TRAPPC11: variants seen among roughly 807,000 people sequenced by gnomAD.
TRAPPC11 encodes foie gras homolog.
A neutral mutation model predicts 151.2 loss-of-function variants in TRAPPC11; 104 were observed. The ratio of observed to expected loss-of-function variants is 0.69; its 90% CI spans 0.59 to 0.81. The LOEUF is 0.81. TRAPPC11 is among the 30% of genes least tolerant of loss of function. The pLI is 0.00. For missense variants in TRAPPC11, 1,230 were observed against 1,349.6 expected (o/e 0.91, Z 1.39); for synonymous variants, 456 against 472.3 (o/e 0.97, Z 0.45).
chr4:183,712,807 T>C lies in TRAPPC11; in HGVS notation c.*163T>C. 2 of 553,434 alleles carry C rather than the reference T, an allele frequency of 3.6e-6. No individual in the cohort carries two copies. Among genetic ancestry groups the C allele is most frequent in the South Asian group, 6.8e-5 (2 of 29,588 alleles). The allele number at this position is 553,434 out of a possible 1,614,324, so 34.3% of individuals were successfully genotyped here. On this transcript the variant is annotated 3_prime_UTR_variant, in exon 30 of 30. Coordinates refer to ENST00000334690, the MANE Select transcript of TRAPPC11 (RefSeq NM_021942.6). ...AGAGGAACTCATACTTCAAAAATATTAGGAAAATCTGTCTTATAGTTTCTC... is the reference window on the plus strand; with the variant it reads ...AGAGGAACTCATACTTCAAAAATATCAGGAAAATCTGTCTTATAGTTTCTC...
At chr4:183,661,894 T>C (rs1734569399) in intron 1 of TRAPPC11, among the ~76,000 whole-genome samples, 1 of 151,568 alleles carries the variant, frequency 6.6e-6, no homozygotes, top group African/African-American at 2.4e-5. Context: ...CCCAAGTGGC[T>C]GGGACTACAA....
At chr4:183,703,561 A>T (rs1309058872) in intron 26 of TRAPPC11, among the ~76,000 whole-genome samples, 1 of 152,218 alleles carries the variant, frequency 6.6e-6, no homozygotes, top group Non-Finnish European at 1.5e-5. Flanking sequence ...ATCTGTACAC[A>T]AAGGGTGTGT....
intron 11 of TRAPPC11, 175 bp from the exon 12 acceptor site, chr4:183,683,800 C>T (rs1359706436): frequency 2.1e-5 from 13 of 612,010 alleles, no homozygotes; most frequent in East Asian, 5.6e-5. Context: ...GAACAGAACA[C>T]GGAAGTTTCC....
chr4:183,660,742 C>T (rs1223311354), intron 1 of TRAPPC11, among the ~76,000 whole-genome samples: 2 of 152,182 alleles, frequency 1.3e-5, no homozygotes, highest in Non-Finnish European at 2.9e-5. Flanking sequence ...GAGACGGAGT[C>T]TTGCTCTGTT....
At position 183,703,790 on chromosome 4, in the gene TRAPPC11, T is replaced by C. The variant is rs111947334; in HGVS notation, c.2964-1189T>C. ...AAAAGGGATTTCCCTGGCACCACCC[T>C]TATAGTTCCCACTTTAGCTGTACCA... On this transcript the variant is annotated intron_variant, in intron 26 of 29. Coordinates refer to ENST00000334690, the MANE Select transcript of TRAPPC11 (RefSeq NM_021942.6). 2.4e-3 allele frequency among the ~76,000 whole-genome samples: 366 copies of C among 152,354 alleles called. 1 individual carries two copies. The highest frequency in any genetic ancestry group is 8.3e-3 in the African/African-American group (347 of 41,586).
intron 5 of TRAPPC11, among the ~76,000 whole-genome samples, chr4:183,669,452 T>G (rs1343616105): frequency 3.3e-5 from 5 of 152,164 alleles, no homozygotes; most frequent in Non-Finnish European, 5.9e-5. Context: ...ACAGTGCTGT[T>G]CCTTGTCAGA....
intron 7 of TRAPPC11, among the ~76,000 whole-genome samples, chr4:183,677,257 G>A (rs1484517681): frequency 6.6e-6 from 1 of 152,062 alleles, no homozygotes; most frequent in Non-Finnish European, 1.5e-5. Flanking sequence ...CACATGTCAT[G>A]GTTCTGTTCT....
intron 5 of TRAPPC11, among the ~76,000 whole-genome samples, chr4:183,669,575 C>A (rs1156838402): frequency 6.6e-6 from 1 of 152,212 alleles, no homozygotes; most frequent in Non-Finnish European, 1.5e-5. Context: ...CTGTGCTATA[C>A]CCTGCTGTAA....
chr4:183,682,234 C>T (rs1467100137), intron 10 of TRAPPC11, among the ~76,000 whole-genome samples: 2 of 152,022 alleles, frequency 1.3e-5, no homozygotes, highest in South Asian at 2.1e-4. Flanking sequence ...TCATGTATTA[C>T]GTTTTGGTTT....
intron 3 of TRAPPC11, chr4:183,666,854 G>A: frequency 2.1e-6 from 1 of 486,884 alleles, no homozygotes; most frequent in East Asian, 3.1e-5. Context: ...AGATTTTTAA[G>A]ATTAGAAGAT....
At position 183,706,855 on chromosome 4, in the gene TRAPPC11, A is replaced by T. The variant is rs762555782; in HGVS notation, c.3104A>T (p.His1035Leu). The T allele has an allele frequency of 5.6e-6, 9 of 1,613,986 alleles. No homozygotes were observed. The highest frequency in any genetic ancestry group is 1.3e-5 in the African/African-American group (1 of 74,914). Residue 1035 changes from histidine to leucine, a missense_variant, in exon 28 of 30, where the codon CAC (histidine) becomes CTC (leucine). By Grantham distance (99) the His-to-Leu change is moderately conservative. Coordinates refer to ENST00000334690, the MANE Select transcript of TRAPPC11 (RefSeq NM_021942.6). Reference sequence around the variant, plus strand: ...AGAGAGTCGTTACCTGTCAAGTATCACCTACAGAATAAGACCGACTTAGTT... The same window carrying T: ...AGAGAGTCGTTACCTGTCAAGTATCTCCTACAGAATAAGACCGACTTAGTT... Reference protein sequence around the residue: ...RVRESLPVKYHLQNKTDLVQD... With the variant: ...RVRESLPVKYLLQNKTDLVQD...
intron 5 of TRAPPC11, among the ~76,000 whole-genome samples, chr4:183,674,069 A>G (rs188156759): frequency 5.9e-4 from 90 of 152,314 alleles, no homozygotes; most frequent in Non-Finnish European, 1.0e-3. Context: ...CAGACTTTTT[A>G]TAAAAATATA....
intron 7 of TRAPPC11, 43 bp downstream of exon 7, chr4:183,675,280 A>G: frequency 8.1e-7 from 1 of 1,240,564 alleles, no homozygotes; most frequent in Non-Finnish European, 1.1e-6. Flanking sequence ...TTTTTATATT[A>G]ACAATAACAT....
intron 10 of TRAPPC11, 112 bp from the exon 11 acceptor site, chr4:183,682,620 A>G (rs994209104): frequency 6.4e-6 from 3 of 469,104 alleles, no homozygotes; most frequent in African/African-American, 4.0e-5. Context: ...AATTGAATAT[A>G]TATTTGGTGG....
intron 22 of TRAPPC11, 62 bp downstream of exon 22, chr4:183,694,100 T>C (rs1736405798): frequency 1.3e-6 from 2 of 1,577,750 alleles, no homozygotes; most frequent in Admixed American, 1.7e-5. Context: ...AAATATATAG[T>C]GAGTTTTTAA....
At chr4:183,674,572 T>A (rs1256082360) in intron 5 of TRAPPC11, 141 bp from the exon 6 acceptor site, 2 of 452,050 alleles carry the variant, frequency 4.4e-6, no homozygotes, top group African/African-American at 4.1e-5. Flanking sequence ...TCAGGTTATC[T>A]TTTGCTTCAC....
Position 183,680,268 on chromosome 4 carries a change from G to A in TRAPPC11, c.1113+1G>A. The A allele has an allele frequency of 1.2e-6, 2 of 1,613,780 alleles. No homozygotes were observed. The highest frequency in any genetic ancestry group is 1.7e-6 in the Non-Finnish European group (2 of 1,179,922). On this transcript the variant is annotated splice_donor_variant, in intron 10 of 29. Coordinates refer to ENST00000334690, the MANE Select transcript of TRAPPC11 (RefSeq NM_021942.6). LOFTEE classifies it high-confidence loss of function. ...TGCAAAAACCCTCTGTAACCACGAAGTAAGTTACTCACTCCGTATTATCTA... is the reference window on the plus strand; with the variant it reads ...TGCAAAAACCCTCTGTAACCACGAAATAAGTTACTCACTCCGTATTATCTA...
At chr4:183,672,256 G>T (rs1037407335) in intron 5 of TRAPPC11, among the ~76,000 whole-genome samples, 1 of 152,170 alleles carries the variant, frequency 6.6e-6, no homozygotes, top group Non-Finnish European at 1.5e-5. Flanking sequence ...GGAAGTAGTG[G>T]TTATTTTGGA....
intron 10 of TRAPPC11, 91 bp downstream of exon 10, chr4:183,680,358 C>A: frequency 7.3e-7 from 1 of 1,366,546 alleles, no homozygotes; most frequent in East Asian, 2.5e-5. Flanking sequence ...TAATTTTTTC[C>A]AAGTCTTTAA....
Sources: gnomAD v4.1 joint callset for allele counts (sites outside exome capture counted in the v4.1 genomes callset) on GRCh38, gnomAD v4.1.1 for gene constraint, MANE v1.5 for transcripts, NCBI Gene and HGNC (gene_info 2026-07-23, HGNC 2026-07-21) for gene names.